Variants in BRINP3 observed in about 807,000 individuals in gnomAD.
The protein encoded by BRINP3 is BMP/retinoic acid inducible neural specific 3, also known as BMP/retinoic acid-inducible neural-specific protein 3.
BRINP3 carries 19 observed loss-of-function variants against 71.0 expected under a neutral mutation model. The ratio of observed to expected loss-of-function variants is 0.27; its 90% CI spans 0.19 to 0.39. The LOEUF (loss-of-function observed/expected upper bound fraction) is 0.39, where lower values mean the gene tolerates loss of function less well. Among genes scored for constraint, BRINP3 ranks in the 10% least tolerant of loss-of-function variants. The pLI is 1.00. For synonymous variants in BRINP3, 380 were observed against 337.7 expected, an observed-to-expected ratio of 1.13 and a Z score of -1.37; for missense variants, 959 against 940.8, an observed-to-expected ratio of 1.02 and a Z score of -0.25.
chr1:190,359,420 C>T (rs1668982905), intron 2 of BRINP3, among the ~76,000 whole-genome samples: 1 of 151,984 alleles, frequency 6.6e-6, no homozygotes, highest in Non-Finnish European at 1.5e-5. Flanking sequence ...TTAAATCAAC[C>T]ATGTAGACAT....
chr1:190,289,867 C>T (rs1333397382), intron 2 of BRINP3, among the ~76,000 whole-genome samples: 1 of 151,982 alleles, frequency 6.6e-6, no homozygotes, highest in African/African-American at 2.4e-5. Flanking sequence ...TTTTCTTTTC[C>T]TTCTGTGAAC....
chr1:190,319,483 G>A (rs1486860933), intron 2 of BRINP3, among the ~76,000 whole-genome samples: 1 of 152,064 alleles, frequency 6.6e-6, no homozygotes, highest in Non-Finnish European at 1.5e-5. Context: ...AAACATTTGA[G>A]GCTGGGTAAT....
At chr1:190,135,439 T>A (rs1654890747) in intron 7 of BRINP3, among the ~76,000 whole-genome samples, 1 of 152,096 alleles carries the variant, frequency 6.6e-6, no homozygotes, top group African/African-American at 2.4e-5. Context: ...TTGTTATAAT[T>A]TTTAATATAG....
intron 1 of BRINP3, among the ~76,000 whole-genome samples, chr1:190,464,041 G>A (rs999664511): frequency 4.0e-5 from 6 of 151,080 alleles, no homozygotes; most frequent in African/African-American, 1.5e-4. Flanking sequence ...ACAATAATAT[G>A]TAAAAATGGG....
chr1:190,365,806 G>GTGTATA (rs913644308), intron 2 of BRINP3, among the ~76,000 whole-genome samples: 9,035 of 127,682 alleles, frequency 0.071, 410 homozygotes, highest in Non-Finnish European at 0.097. Context: ...GAGAGCAAGT[G>GTGTATA]TATATATATA....
intron 6 of BRINP3, among the ~76,000 whole-genome samples, chr1:190,221,706 C>T (rs532272200): frequency 4.0e-5 from 6 of 151,798 alleles, no homozygotes; most frequent in South Asian, 2.1e-4. Context: ...ATAGACTGAG[C>T]GTGAAGGGGT....
chr1:190,261,202 C>T (rs755488782), intron 4 of BRINP3, among the ~76,000 whole-genome samples: 1 of 151,628 alleles, frequency 6.6e-6, no homozygotes, highest in Admixed American at 6.6e-5. Flanking sequence ...ATAGCATTAA[C>T]GTTTATTAGA....
intron 2 of BRINP3, chr1:190,361,969 C>T (rs922230012): frequency 4.6e-5 from 7 of 152,050 alleles, no homozygotes; most frequent in Admixed American, 3.3e-4. Context: ...TAGATGAGAT[C>T]ATGAGCTTAT....
Position 190,098,255 on chromosome 1 carries a change from G to A in BRINP3, c.2064C>T (p.Asp688=). The A allele has an allele frequency of 6.2e-7, 1 of 1,614,182 alleles. No individual in the cohort carries two copies. The highest frequency in any genetic ancestry group is 1.1e-5 in the South Asian group (1 of 91,088). ...EAIRDLILQL[D]YPYTQGSQDS... The stretch of plus-strand genomic sequence containing the variant: ...CCTGGGATCCCTGAGTATAGGGGTA[G>A]TCCAGCTGCAAAATCAGGTCCCGAA... The change falls in exon 8 of 8, where the codon GAC becomes GAT. Residue 688 remains aspartate (D), a synonymous_variant. Transcript: ENST00000367462.
chr1:190,245,786 T>A (rs1223694983), intron 4 of BRINP3, among the ~76,000 whole-genome samples: 1 of 121,042 alleles, frequency 8.3e-6, no homozygotes, highest in Non-Finnish European at 1.6e-5. Flanking sequence ...CAGTGTGTGA[T>A]GTTCCCCTTC....
intron 7 of BRINP3, among the ~76,000 whole-genome samples, chr1:190,131,805 T>A (rs1236091688): frequency 6.6e-6 from 1 of 152,098 alleles, no homozygotes; most frequent in Non-Finnish European, 1.5e-5. Flanking sequence ...TTCTTTGAAT[T>A]TATGAGCTAG....
chr1:190,191,957 A>G (rs1230845829), intron 6 of BRINP3, among the ~76,000 whole-genome samples: 1 of 152,162 alleles, frequency 6.6e-6, no homozygotes, highest in African/African-American at 2.4e-5. Context: ...TTAATATGTT[A>G]GTTAAATCAA....
intron 4 of BRINP3, among the ~76,000 whole-genome samples, chr1:190,252,253 A>C (rs1660216147): frequency 6.6e-6 from 1 of 152,084 alleles, no homozygotes; most frequent in Non-Finnish European, 1.5e-5. Flanking sequence ...AAAGAGCTTT[A>C]CCAATTAGTT....
At chr1:190,305,238 A>G (rs1665013111) in intron 2 of BRINP3, among the ~76,000 whole-genome samples, 2 of 151,960 alleles carry the variant, frequency 1.3e-5, no homozygotes, top group South Asian at 2.1e-4. Context: ...TCATCCAGCA[A>G]TTCCACTCCT....
At chr1:190,109,308 A>T (rs537627281) in intron 7 of BRINP3, among the ~76,000 whole-genome samples, 22 of 152,296 alleles carry the variant, frequency 1.4e-4, no homozygotes, top group African/African-American at 5.1e-4. Flanking sequence ...AAATAGTTTG[A>T]CCTTACAAAA....
intron 2 of BRINP3, among the ~76,000 whole-genome samples, chr1:190,414,667 A>G (rs1351503627): frequency 6.6e-6 from 1 of 152,194 alleles, no homozygotes; most frequent in African/African-American, 2.4e-5. Context: ...AGTTGCATCC[A>G]CCAATATCCA....
At chr1:190,350,236 C>G (rs1360668547) in intron 2 of BRINP3, among the ~76,000 whole-genome samples, 1 of 152,104 alleles carries the variant, frequency 6.6e-6, no homozygotes, top group South Asian at 2.1e-4. Flanking sequence ...TACAAATCTC[C>G]TTAAATGTAG....
chr1:190,226,283 G>T lies in BRINP3; in HGVS notation c.760C>A (p.Arg254Ser). 1.2e-6 allele frequency: 2 copies of T among 1,607,088 alleles called. No individual in the cohort carries two copies. Among genetic ancestry groups the T allele is most frequent in the Non-Finnish European group, 8.5e-7 (1 of 1,176,372 alleles). ...TAGCTCAAAGCTGCTTGTACAAAAC[G>T]TTCCTGAAGATAGTCTGGGAGAAGT... ...QVLLPDYLQE[R>S]FVQAALSYIA... Residue 254 changes from arginine (R) to serine (S), a missense_variant, in exon 6 of 8, where the codon CGT (arginine) becomes AGT (serine). Coordinates refer to ENST00000367462, the MANE Select transcript of BRINP3 (RefSeq NM_199051.3).
At chr1:190,257,805 T>G (rs1660803162) in intron 4 of BRINP3, among the ~76,000 whole-genome samples, 1 of 152,178 alleles carries the variant, frequency 6.6e-6, no homozygotes, top group African/African-American at 2.4e-5. Context: ...GTATCACCAG[T>G]GGAGGCTGCA....
Sources: gnomAD v4.1 joint callset for allele counts (sites outside exome capture counted in the v4.1 genomes callset) on GRCh38, gnomAD v4.1.1 for gene constraint, MANE v1.5 for transcripts, NCBI Gene and HGNC (gene_info 2026-07-23, HGNC 2026-07-21) for gene names.